MICU2: variants seen among roughly 807,000 people sequenced by gnomAD.
MICU2 encodes the protein mitochondrial calcium uptake 2.
In MICU2, 64 loss-of-function variants were observed where a neutral mutation model predicts 60.4. The ratio of observed to expected loss-of-function variants is 1.06; its 90% CI spans 0.87 to 1.31. The LOEUF is 1.31. Among genes scored for constraint, MICU2 ranks in the 50% most tolerant of loss-of-function variants. MICU2 has a pLI of 0.00. For synonymous variants in MICU2, 201 were observed against 175.0 expected, an observed-to-expected ratio of 1.15 and a Z score of -1.17; for missense variants, 569 against 531.0, an observed-to-expected ratio of 1.07 and a Z score of -0.70.
intron 1 of MICU2, among the ~76,000 whole-genome samples, chr13:21,593,243 G>A (rs1888622289): frequency 1.3e-5 from 2 of 152,060 alleles, no homozygotes; most frequent in African/African-American, 4.8e-5. Context: ...GCCAAATCAT[G>A]AGTGAACTCC....
chr13:21,535,317 C>G (rs1027818634), intron 4 of MICU2, among the ~76,000 whole-genome samples: 1 of 152,006 alleles, frequency 6.6e-6, no homozygotes, highest in Non-Finnish European at 1.5e-5. Flanking sequence ...GCCTTCCTTA[C>G]TTCAGGAAAA....
intron 1 of MICU2, chr13:21,603,450 C>CTTAAAAA: frequency 6.4e-6 from 1 of 156,932 alleles, no homozygotes; most frequent in Admixed American, 6.5e-5. Context: ...AAGCAATCGA[C>CTTAAAAA]AGAACTTCAT....
chr13:21,493,075 TTTTC>T lies in MICU2; in HGVS notation c.*170_*173del, dbSNP rs1269707978. The T allele has an allele frequency of 7.1e-5, 32 of 448,866 alleles. No homozygotes were observed. The highest frequency in any genetic ancestry group is 1.1e-4 in the Non-Finnish European group (29 of 255,942). 27.8% of individuals were successfully genotyped at this position (448,866 alleles called of 1,614,324 possible). On this transcript the variant is annotated 3_prime_UTR_variant, in exon 12 of 12. Transcript: ENST00000382374. The stretch of plus-strand genomic sequence containing the variant: ...ATCCAATATCTATTTTTATACTTAC[TTTTC>T]TTTCTACTAAGTTCTTTAATAAAAT...
chr13:21,541,932 T>A (rs1317878125), intron 2 of MICU2, among the ~76,000 whole-genome samples: 1 of 152,152 alleles, frequency 6.6e-6, no homozygotes, highest in Non-Finnish European at 1.5e-5. Context: ...TCTTTTTAAA[T>A]TTTTTTAATT....
intron 4 of MICU2, among the ~76,000 whole-genome samples, chr13:21,536,010 C>T (rs61014010): frequency 0.016 from 2,413 of 152,242 alleles, 63 homozygotes; most frequent in African/African-American, 0.056. Flanking sequence ...TAACCATATA[C>T]TACATTCCAG....
At position 21,507,940 on chromosome 13, in the gene MICU2, C is replaced by CT. The variant is rs889354109; in HGVS notation, c.761+2063dup. Among the ~76,000 whole-genome samples, 537 of 151,108 alleles carry CT rather than the reference C, an allele frequency of 3.6e-3. 5 individuals are homozygous for CT. The highest frequency in any genetic ancestry group is 0.012 in the African/African-American group (500 of 41,178). On this transcript the variant is annotated intron_variant, in intron 8 of 11. Transcript: ENST00000382374. The stretch of plus-strand genomic sequence containing the variant: ...TTTTTCTTTCTCTCTTTCTTTCTTT[C>CT]TTTTTTTTGACAGAGTCTCACTCTG...
At chr13:21,602,195 T>C (rs546298959) in intron 1 of MICU2, among the ~76,000 whole-genome samples, 10 of 151,198 alleles carry the variant, frequency 6.6e-5, no homozygotes, top group Non-Finnish European at 1.3e-4. Context: ...GTTAAAGTGA[T>C]ACTCCGGAGA....
At chr13:21,594,942 C>T (rs924925842) in intron 1 of MICU2, among the ~76,000 whole-genome samples, 1 of 152,126 alleles carries the variant, frequency 6.6e-6, no homozygotes, top group East Asian at 1.9e-4. Context: ...ACCACCATGG[C>T]ACACATATAC....
At chr13:21,495,437 AAAC>A in intron 10 of MICU2, 119 bp from the exon 11 acceptor site, 1 of 978,458 alleles carries the variant, frequency 1.0e-6, no homozygotes, top group Non-Finnish European at 1.4e-6. Flanking sequence ...TTGGGAAGTA[AAAC>A]AAAAACAAAA....
At chr13:21,599,675 T>C (rs1457901037) in intron 1 of MICU2, among the ~76,000 whole-genome samples, 1 of 152,238 alleles carries the variant, frequency 6.6e-6, no homozygotes, top group East Asian at 1.9e-4. Flanking sequence ...AATTTAGCTA[T>C]CATCAACTCT....
intron 1 of MICU2, among the ~76,000 whole-genome samples, chr13:21,568,844 G>GCT (rs1555275370): frequency 6.7e-6 from 1 of 150,336 alleles, no homozygotes; most frequent in Non-Finnish European, 1.5e-5. Flanking sequence ...AAGAAATTCT[G>GCT]TTTTTTTTTT....
Position 21,539,351 on chromosome 13 carries a change from G to A in MICU2, c.417C>T (p.Ile139=). 6.2e-7 allele frequency: 1 copy of A among 1,613,978 alleles called. No homozygotes were observed. Among genetic ancestry groups the A allele is most frequent in the Non-Finnish European group, 8.5e-7 (1 of 1,179,962 alleles). The change falls in exon 4 of 12, where the codon ATC becomes ATT. Residue 139 remains isoleucine (I), a synonymous_variant. Coordinates refer to ENST00000382374, the MANE Select transcript of MICU2 (RefSeq NM_152726.3). ...AAGTTGATCCACAGCCAGCTGTTTG[G>A]ATCCCTGACAGTGTATCCTCGATGT... ...KKDIEDTLSG[I]QTAGCGSTFF...
chr13:21,496,197 T>C, intron 9 of MICU2, 37 bp from the exon 10 acceptor site: 1 of 1,421,382 alleles, frequency 7.0e-7, no homozygotes, highest in Non-Finnish European at 9.9e-7. Flanking sequence ...ATTTTGTAAG[T>C]ACATTAAATA....
At chr13:21,575,158 TACACACACAGACAC>T (rs1229029745) in intron 1 of MICU2, among the ~76,000 whole-genome samples, 2 of 151,862 alleles carry the variant, frequency 1.3e-5, no homozygotes, top group African/African-American at 2.4e-5. Flanking sequence ...GGCATATGCT[TACACACACAGACAC>T]ACATACACAC....
chr13:21,524,428 A>C (rs986592047), intron 4 of MICU2, among the ~76,000 whole-genome samples: 1 of 151,944 alleles, frequency 6.6e-6, no homozygotes, highest in Non-Finnish European at 1.5e-5. Context: ...TCTAAAAAAA[A>C]CCTCCCTGCC....
intron 9 of MICU2, 27 bp from the exon 10 acceptor site, chr13:21,496,187 A>T: frequency 6.7e-7 from 1 of 1,499,182 alleles, no homozygotes; most frequent in Non-Finnish European, 9.2e-7. Context: ...TTTTATTACA[A>T]TTTTGTAAGT....
chr13:21,507,611 T>TG (rs923530495), intron 8 of MICU2, among the ~76,000 whole-genome samples: 1 of 151,852 alleles, frequency 6.6e-6, no homozygotes. Context: ...CTTAGATTTT[T>TG]TTTTTTTTTT....
intron 4 of MICU2, among the ~76,000 whole-genome samples, chr13:21,528,339 A>G (rs9316435): frequency 0.18 from 27,808 of 152,206 alleles, 3,401 homozygotes; most frequent in Non-Finnish European, 0.28. Context: ...TATATCTTTA[A>G]AAAGTGTATC....
intron 2 of MICU2, among the ~76,000 whole-genome samples, chr13:21,564,194 T>C (rs919914068): frequency 8.5e-5 from 13 of 152,204 alleles, no homozygotes; most frequent in African/African-American, 3.1e-4. Context: ...TCTTTTCAGA[T>C]TGTGCTTCTT....
Sources: gnomAD v4.1 joint callset for allele counts (sites outside exome capture counted in the v4.1 genomes callset) on GRCh38, gnomAD v4.1.1 for gene constraint, MANE v1.5 for transcripts, NCBI Gene and HGNC (gene_info 2026-07-23, HGNC 2026-07-21) for gene names.